The following PTPRT variants were observed in gnomAD, a reference collection of about 807,000 sequenced individuals.
PTPRT encodes receptor-type tyrosine-protein phosphatase T.
In PTPRT, 56 loss-of-function variants were observed where a neutral mutation model predicts 176.8. That is an observed-to-expected ratio of 0.32 (90% CI 0.26 to 0.40). The LOEUF is 0.40. Ranked by LOEUF, PTPRT falls within the 10% of genes least tolerant of loss-of-function variation. The pLI, the probability that PTPRT is intolerant of heterozygous loss-of-function variation, is 1.00. For missense variants in PTPRT, 1,540 were observed against 1,908.2 expected (o/e 0.81, Z 3.60); for synonymous variants, 783 against 739.0 (o/e 1.06, Z -0.96).
the PTPRT span, among the ~76,000 whole-genome samples, chr20:42,053,400 A>G: frequency 5.3e-5 from 8 of 152,262 alleles, no homozygotes; most frequent in African/African-American, 1.4e-4. Context: ...CCACCTTGCT[A>G]TAATACCACT....
chr20:43,098,044 AC>A lies in PTPRT; in HGVS notation c.88+91601del, dbSNP rs1211962502. On this transcript the variant is annotated intron_variant, in intron 1 of 30. Coordinates refer to ENST00000373187, the MANE Select transcript of PTPRT (RefSeq NM_007050.6). ...TCGCCAGCTTCCATCCCCCGAAGCC[AC>A]GTGAGGAAGGCCAGAACACCAAGGT... 2.0e-5 allele frequency among the ~76,000 whole-genome samples: 3 copies of A among 152,118 alleles called. No individual in the cohort carries two copies. In the East Asian group the frequency reaches 5.8e-4, roughly 29 times the overall value.
chr20:42,405,849 C>T (rs1257236059), intron 9 of PTPRT, among the ~76,000 whole-genome samples: 2 of 152,128 alleles, frequency 1.3e-5, no homozygotes, highest in East Asian at 1.9e-4. Context: ...TCCTCTCCAG[C>T]GCCTGTTGTT....
chr20:42,154,821 T>C (rs1010606702), intron 17 of PTPRT, among the ~76,000 whole-genome samples: 1 of 151,980 alleles, frequency 6.6e-6, no homozygotes, highest in Non-Finnish European at 1.5e-5. Context: ...ATGCTTAGGG[T>C]TTTGCTGTGT....
At chr20:42,618,467 C>T (rs2074123612) in intron 7 of PTPRT, among the ~76,000 whole-genome samples, 1 of 135,258 alleles carries the variant, frequency 7.4e-6, no homozygotes. Flanking sequence ...CCGCTTGGTG[C>T]AGAGCTGAGT....
In PTPRT at chr20:42,128,796, A is replaced by G. The variant is rs1398560949; in HGVS notation, c.2805T>C (p.Asp935=). ...TGATGTAGTCAGAGTGCGGGTCTCC[A>G]TCCAGCACCAGCAGCCTCACCCGGG... ...DHSRVRLLVL[D]GDPHSDYINA... The change falls in exon 19 of 31, where the codon GAT becomes GAC. Residue 935 remains aspartate (D), a synonymous_variant. Transcript: ENST00000373187. 3 of 1,607,660 alleles carry G rather than the reference A, an allele frequency of 1.9e-6. No homozygotes were observed. The African/African-American group carries it at 4.0e-5, about 22-fold the overall frequency.
At chr20:42,876,550 T>C (rs1003052847) in intron 2 of PTPRT, among the ~76,000 whole-genome samples, 2 of 152,118 alleles carry the variant, frequency 1.3e-5, no homozygotes, top group Non-Finnish European at 2.9e-5. Flanking sequence ...AATCAGGACC[T>C]GGGACCAAGT....
At chr20:43,042,548 C>T (rs899297710) in intron 1 of PTPRT, among the ~76,000 whole-genome samples, 15 of 152,150 alleles carry the variant, frequency 9.9e-5, no homozygotes, top group African/African-American at 3.6e-4. Context: ...AGAGTCCCCC[C>T]TTGGTGACCT....
chr20:42,334,382 T>TA (rs1157508577), intron 11 of PTPRT, among the ~76,000 whole-genome samples: 1 of 152,198 alleles, frequency 6.6e-6, no homozygotes, highest in Admixed American at 6.5e-5. Flanking sequence ...ACCACTGCCA[T>TA]AGGTAATTAG....
At chr20:42,920,239 C>T (rs188728404) in intron 1 of PTPRT, among the ~76,000 whole-genome samples, 111 of 152,216 alleles carry the variant, frequency 7.3e-4, no homozygotes, top group African/African-American at 2.5e-3. Context: ...TATTAATATA[C>T]GCAACAAGAT....
intron 7 of PTPRT, among the ~76,000 whole-genome samples, chr20:42,658,945 T>C (rs1407664596): frequency 6.6e-6 from 1 of 152,180 alleles, no homozygotes; most frequent in African/African-American, 2.4e-5. Flanking sequence ...CAGGGAGATA[T>C]ATCTGTCTGT....
At chr20:42,544,691 T>G (rs2224166) in intron 7 of PTPRT, among the ~76,000 whole-genome samples, 56,757 of 152,032 alleles carry the variant, frequency 0.37, 10,652 homozygotes, top group Admixed American at 0.42. Flanking sequence ...GCTGTTTATG[T>G]GAGAATGCAG....
At chr20:42,405,456 C>T (rs2058952394) in intron 9 of PTPRT, among the ~76,000 whole-genome samples, 1 of 151,994 alleles carries the variant, frequency 6.6e-6, no homozygotes, top group South Asian at 2.1e-4. Context: ...GGTTTTTTGT[C>T]CTTGCGACAG....
intron 1 of PTPRT, among the ~76,000 whole-genome samples, chr20:43,055,941 A>C (rs1364620645): frequency 6.6e-6 from 1 of 152,246 alleles, no homozygotes. Flanking sequence ...AAGATCTGAG[A>C]GAGTTCTCCA....
At chr20:43,014,432 G>A (rs550188077) in intron 1 of PTPRT, among the ~76,000 whole-genome samples, 2 of 152,222 alleles carry the variant, frequency 1.3e-5, no homozygotes, top group Non-Finnish European at 2.9e-5. Context: ...CATTAATGCT[G>A]CCACACGCAC....
chr20:42,795,126 A>C (rs1189164068), intron 2 of PTPRT, among the ~76,000 whole-genome samples: 1 of 152,146 alleles, frequency 6.6e-6, no homozygotes, highest in African/African-American at 2.4e-5. Context: ...CATTACGCCA[A>C]GATCAGTCAG....
chr20:42,955,482 C>T (rs541961416), intron 1 of PTPRT, among the ~76,000 whole-genome samples: 9 of 152,320 alleles, frequency 5.9e-5, no homozygotes, highest in Middle Eastern at 3.4e-3. Flanking sequence ...CTACTAAGTG[C>T]ATGCCTGAGG....
intron 1 of PTPRT, among the ~76,000 whole-genome samples, chr20:42,932,081 G>C (rs1290313363): frequency 6.6e-6 from 1 of 152,246 alleles, no homozygotes; most frequent in Non-Finnish European, 1.5e-5. Flanking sequence ...TCCTGTCAGA[G>C]GGTGAGAAAC....
chr20:42,988,587 A>G lies in PTPRT; in HGVS notation c.89-102655T>C, dbSNP rs372709646. Among the ~76,000 whole-genome samples the G allele has an allele frequency of 1.4e-4, 22 of 152,290 alleles. No individual in the cohort carries two copies. The South Asian group carries it at 1.9e-3, about 13-fold the overall frequency. Reference sequence around the variant, plus strand: ...GGTTCATGACGGCCAATGAAATTATATGCACCATACAGCAGGGAAACACAC... The same window carrying G: ...GGTTCATGACGGCCAATGAAATTATGTGCACCATACAGCAGGGAAACACAC... On this transcript the variant is annotated intron_variant, in intron 1 of 30. Transcript: ENST00000373187.
chr20:42,471,812 C>T (rs183729455), intron 8 of PTPRT, among the ~76,000 whole-genome samples: 7 of 152,082 alleles, frequency 4.6e-5, no homozygotes, highest in Admixed American at 1.3e-4. Flanking sequence ...CACGCTGCCA[C>T]GCCTGGTAAT....
Sources: allele counts gnomAD v4.1 joint callset (sites outside exome capture counted in the v4.1 genomes callset), GRCh38; gene constraint gnomAD v4.1.1; transcripts MANE v1.5; gene names NCBI Gene and HGNC (gene_info 2026-07-23, HGNC 2026-07-21).